The following AQR variants were observed in gnomAD, a reference collection of about 807,000 sequenced individuals.
AQR encodes RNA helicase aquarius.
A neutral mutation model predicts 180.5 loss-of-function variants in AQR; 61 were observed. That is an observed-to-expected ratio of 0.34 (90% confidence interval 0.28 to 0.42). The LOEUF (loss-of-function observed/expected upper bound fraction) is 0.42, where lower values mean the gene tolerates loss of function less well. Among genes scored for constraint, AQR ranks in the 10% least tolerant of loss-of-function variants. The pLI, the probability that AQR is intolerant of heterozygous loss-of-function variation, is 1.00. For missense variants in AQR, 1,281 were observed against 1,798.3 expected, an observed-to-expected ratio of 0.71 and a Z score of 5.20; for synonymous variants, 551 against 588.8, an observed-to-expected ratio of 0.94 and a Z score of 0.93.
intron 30 of AQR, among the ~76,000 whole-genome samples, chr15:34,872,376 T>C (rs1360117168): frequency 1.3e-5 from 2 of 152,124 alleles, no homozygotes; most frequent in African/African-American, 4.8e-5. Flanking sequence ...CATCTGAAAA[T>C]ATATTTATTT....
In AQR at chr15:34,910,198, G is replaced by T; in HGVS notation, c.1600C>A (p.Arg534=). Residue 534 remains arginine (R), a synonymous_variant, in exon 17 of 35, where the codon CGA becomes AGA. Transcript: ENST00000156471. ...KPNIGENWPT[R]VRADVTINLN... The stretch of plus-strand genomic sequence containing the variant: ...TTTATGGTAACATCTGCACGAACTC[G>T]GGTTGGCCAGTTTTCACCTATGTTG... The T allele has an allele frequency of 1.2e-6, 2 of 1,614,148 alleles. No homozygotes were observed. Among genetic ancestry groups the T allele is most frequent in the Non-Finnish European group, 1.7e-6 (2 of 1,180,024 alleles).
chr15:34,945,065 T>C (rs1390946800), intron 5 of AQR, among the ~76,000 whole-genome samples: 1 of 152,216 alleles, frequency 6.6e-6, no homozygotes, highest in Non-Finnish European at 1.5e-5. Flanking sequence ...TGAAGGCTCT[T>C]CTTCTTTTGC....
intron 20 of AQR, among the ~76,000 whole-genome samples, chr15:34,899,569 C>T (rs1396054731): frequency 1.3e-5 from 2 of 151,292 alleles, no homozygotes; most frequent in African/African-American, 2.4e-5. Context: ...GAGATGAGGT[C>T]TCAGTTGCCC....
chr15:34,885,391 G>A (rs937689470), intron 25 of AQR, among the ~76,000 whole-genome samples: 2 of 152,152 alleles, frequency 1.3e-5, no homozygotes, highest in African/African-American at 4.8e-5. Flanking sequence ...TCTCAAAAGT[G>A]TAGTCCTTAT....
chr15:34,969,218 G>C (rs1458896233), intron 1 of AQR, among the ~76,000 whole-genome samples: 1 of 151,992 alleles, frequency 6.6e-6, no homozygotes, highest in Non-Finnish European at 1.5e-5. Context: ...GATAGACTGG[G>C]GTGTTCCCTC....
chr15:34,916,302 C>A (rs984829107), intron 15 of AQR, among the ~76,000 whole-genome samples: 1 of 152,052 alleles, frequency 6.6e-6, no homozygotes, highest in African/African-American at 2.4e-5. Context: ...TTCCAGACTC[C>A]CCCTTTTCAT....
intron 30 of AQR, 141 bp from the exon 31 acceptor site, chr15:34,871,063 T>A: frequency 2.9e-6 from 2 of 687,712 alleles, no homozygotes; most frequent in Non-Finnish European, 4.7e-6. Context: ...GATAAGTGAG[T>A]ACCTTTCATA....
chr15:34,870,610 C>CAA, intron 31 of AQR, 142 bp downstream of exon 31: 1 of 648,758 alleles, frequency 1.5e-6, no homozygotes, highest in Non-Finnish European at 2.4e-6. Context: ...GCAAGACTGT[C>CAA]AGAGAGTTAT....
intron 2 of AQR, among the ~76,000 whole-genome samples, chr15:34,962,024 C>CT (rs556539727): frequency 0.027 from 3,761 of 139,042 alleles, 69 homozygotes; most frequent in African/African-American, 0.053. Context: ...ACTATAATGT[C>CT]TTTTTTTTTT....
intron 8 of AQR, 36 bp downstream of exon 8, chr15:34,940,863 A>G: frequency 6.6e-7 from 1 of 1,504,734 alleles, no homozygotes; most frequent in Non-Finnish European, 9.2e-7. Flanking sequence ...AATCCAGCAT[A>G]ATAAGCCAAC....
At chr15:34,946,497 C>A (rs1470278229) in intron 5 of AQR, among the ~76,000 whole-genome samples, 7 of 142,344 alleles carry the variant, frequency 4.9e-5, no homozygotes, top group Non-Finnish European at 6.2e-5. Flanking sequence ...GTCAGCCCCC[C>A]GCCCGGCCAG....
At chr15:34,904,527 G>C in intron 18 of AQR, 22 bp from the exon 19 acceptor site, 2 of 1,576,014 alleles carry the variant, frequency 1.3e-6, no homozygotes, top group Non-Finnish European at 1.7e-6. Context: ...GAAAAAGTTT[G>C]TTAAATAAAA....
chr15:34,939,260 G>A (rs1356273363), intron 8 of AQR, among the ~76,000 whole-genome samples: 1 of 152,020 alleles, frequency 6.6e-6, no homozygotes, highest in African/African-American at 2.4e-5. Flanking sequence ...GTAGAGATGC[G>A]GTTCCACCAT....
rs184384582 is a variant in AQR at position 34,856,907 on chromosome 15, G to A, written c.4343C>T (p.Pro1448Leu). 1,317 of 1,614,094 alleles carry A rather than the reference G, an allele frequency of 8.2e-4. 3 individuals are homozygous for A. The highest frequency in any genetic ancestry group is 1.0e-3 in the Non-Finnish European group (1,222 of 1,180,012). Reference sequence around the variant, plus strand: ...CTCAGATAAAGCAGGGATGGCTTCTGGAGTGGAAGTGGCTCCTGTCTCACT... The same window carrying A: ...CTCAGATAAAGCAGGGATGGCTTCTAGAGTGGAAGTGGCTCCTGTCTCACT... ...TPSETGATSTPEAIPALSETT... is the reference protein window; with the variant it reads ...TPSETGATSTLEAIPALSETT... Residue 1448 changes from proline (P) to leucine (L), a missense_variant, in exon 35 of 35, where the codon CCA (proline) becomes CTA (leucine). Pro to Leu is a moderately conservative substitution (Grantham distance 98). This residue lies in a region of AQR where 182 missense variants were observed against 185.3 expected (regional missense o/e 0.98). Transcript: ENST00000156471.
intron 1 of AQR, among the ~76,000 whole-genome samples, chr15:34,965,579 G>C (rs2050306371): frequency 6.6e-6 from 1 of 152,176 alleles, no homozygotes; most frequent in African/African-American, 2.4e-5. Flanking sequence ...GCTGAGGCAG[G>C]AGAATTGCTT....
At chr15:34,857,208 C>T in intron 34 of AQR, 102 bp from the exon 35 acceptor site, 4 of 1,083,234 alleles carry the variant, frequency 3.7e-6, no homozygotes, top group Non-Finnish European at 5.1e-6. Context: ...ACAGTGCTGA[C>T]CATTTTATAC....
Position 34,856,174 on chromosome 15 carries a change from T to A in AQR, c.*618A>T, listed in dbSNP as rs1892583476. ...TAAAATATAGATTCCTAGGCTCTAA[T>A]CCTGAGATTCTGACTCATTCAGTCT... On this transcript the variant is annotated 3_prime_UTR_variant, in exon 35 of 35. Transcript: ENST00000156471. 5.8e-6 allele frequency: 1 copy of A among 171,208 alleles called. No homozygotes were observed. Among genetic ancestry groups the A allele is most frequent in the Non-Finnish European group, 1.2e-5 (1 of 81,076 alleles). The allele number at this position is 171,208 out of a possible 1,614,324, so 10.6% of individuals were successfully genotyped here.
At chr15:34,863,848 T>C (rs958828306) in intron 32 of AQR, among the ~76,000 whole-genome samples, 7 of 152,198 alleles carry the variant, frequency 4.6e-5, no homozygotes, top group Admixed American at 1.3e-4. Context: ...AAATAAAATG[T>C]GTTTTAGTGA....
chr15:34,906,757 T>A, intron 17 of AQR, 45 bp from the exon 18 acceptor site: 1 of 1,576,340 alleles, frequency 6.3e-7, no homozygotes, highest in East Asian at 2.3e-5. Flanking sequence ...ATTTCATTGT[T>A]TTCAGTCTTT....
Sources: gnomAD v4.1 joint callset for allele counts (sites outside exome capture counted in the v4.1 genomes callset) on GRCh38, gnomAD v4.1.1 for gene constraint, gnomAD v4.1.1 regional missense constraint, MANE v1.5 for transcripts, NCBI Gene and HGNC (gene_info 2026-07-23, HGNC 2026-07-21) for gene names.